The following HSPBP1 variants were observed in gnomAD, a reference collection of about 807,000 sequenced individuals.
HSPBP1 encodes the protein hsp70-binding protein 1.
Under a neutral mutation model 41.7 loss-of-function variants are expected in HSPBP1, and 31 were observed. The ratio of observed to expected loss-of-function variants is 0.74; its 90% CI spans 0.56 to 1.00. The LOEUF (loss-of-function observed/expected upper bound fraction) is 1.00, where lower values mean the gene tolerates loss of function less well. Ranked by LOEUF, HSPBP1 falls within the 50% of genes least tolerant of loss-of-function variation. The pLI is 0.00. For missense variants in HSPBP1, 439 were observed against 487.9 expected (o/e 0.90, Z 0.94); for synonymous variants, 199 against 214.4 (o/e 0.93, Z 0.63).
upstream of HSPBP1, chr19:55,280,214 T>G (rs2088196210): frequency 6.1e-6 from 1 of 164,108 alleles, no homozygotes; most frequent in South Asian, 1.3e-4. Context: ...TATCCCCTTC[T>G]CACCTGGCGG....
At chr19:55,274,202 G>A (rs942848688) in intron 4 of HSPBP1, among the ~76,000 whole-genome samples, 196 bp downstream of exon 4, 10 of 152,222 alleles carry the variant, frequency 6.6e-5, no homozygotes, top group African/African-American at 2.4e-4. Flanking sequence ...CACATCTGCT[G>A]CCTGGCTAGC....
rs965595040 is a variant in HSPBP1, at chr19:55,266,299, G to A, written c.641-13C>T. On this transcript the variant is annotated splice_polypyrimidine_tract_variant and intron_variant, in intron 4 of 7. Coordinates refer to ENST00000433386, the MANE Select transcript of HSPBP1 (RefSeq NM_012267.5). Reference sequence around the variant, plus strand: ...TCTCGGACCAGACCTGGGAGAGGGGGAAAGGTCCTGAGCTTGCAGTCACCA... The same window carrying A: ...TCTCGGACCAGACCTGGGAGAGGGGAAAAGGTCCTGAGCTTGCAGTCACCA... 8 of 1,560,866 alleles carry A rather than the reference G, an allele frequency of 5.1e-6. 1 individual carries two copies. In the Admixed American group the frequency reaches 7.7e-5, roughly 15 times the overall value.
upstream of HSPBP1, chr19:55,280,242 C>T (rs993583164): frequency 3.0e-4 from 47 of 155,282 alleles, 1 homozygote; most frequent in Non-Finnish European, 5.7e-4. Context: ...CACTCGGCCC[C>T]GCCCCTCCCA....
chr19:55,262,411 T>G lies in HSPBP1; in HGVS notation c.*197A>C. 3.6e-6 allele frequency: 5 copies of G among 1,397,954 alleles called. No individual in the cohort carries two copies. The highest frequency in any genetic ancestry group is 5.3e-5 in the East Asian group (2 of 37,930). The allele number at this position is 1,397,954 out of a possible 1,614,324, so 86.6% of individuals were successfully genotyped here. On this transcript the variant is annotated 3_prime_UTR_variant, in exon 8 of 8. Transcript: ENST00000433386. Reference sequence around the variant, plus strand: ...GTGGACAAGAGAACGGGGATGAGAGTGAGAGCATGGGAGGTGGGGTCCAAG... The same window carrying G: ...GTGGACAAGAGAACGGGGATGAGAGGGAGAGCATGGGAGGTGGGGTCCAAG...
Position 55,274,379 on chromosome 19 carries a change from G to GCCCCCCC in HSPBP1, c.640+18_640+19insGGGGGGG. On this transcript the variant is annotated intron_variant, in intron 4 of 7. Transcript: ENST00000433386. ...CCCACCGCCAGCACCCCTGTCCCCAGCCCCACCCGGACACTCACAGGAGAT... is the reference window on the plus strand; with the variant it reads ...CCCACCGCCAGCACCCCTGTCCCCAGCCCCCCCCCCCACCCGGACACTCACAGGAGAT... The GCCCCCCC allele has an allele frequency of 8.8e-5, 19 of 214,994 alleles. No homozygotes were observed. Among genetic ancestry groups the GCCCCCCC allele is most frequent in the Non-Finnish European group, 1.1e-4 (16 of 146,882 alleles). The allele number at this position is 214,994 out of a possible 1,614,324, so 13.3% of individuals were successfully genotyped here.
intron 6 of HSPBP1, 50 bp from the exon 7 acceptor site, chr19:55,265,439 C>G (rs1234558780): frequency 6.9e-7 from 1 of 1,442,110 alleles, no homozygotes; most frequent in South Asian, 1.1e-5. Context: ...AGAGGCCTCA[C>G]TGACCCAACC....
In HSPBP1 at chr19:55,265,990, G is replaced by T; in HGVS notation, c.797-8C>A. On this transcript the variant is annotated splice_region_variant and splice_polypyrimidine_tract_variant and intron_variant, in intron 5 of 7. Transcript: ENST00000433386. ...CCATGGAGCACAGGGTCCCTGGGGG[G>T]AGGGCTGCAGGGGTCAGAGGGGCAG... 3.8e-6 allele frequency: 6 copies of T among 1,594,050 alleles called. No individual in the cohort carries two copies. The highest frequency in any genetic ancestry group is 5.1e-6 in the Non-Finnish European group (6 of 1,171,756).
chr19:55,262,451 C>G lies in HSPBP1; in HGVS notation c.*157G>C, dbSNP rs1195347475. 2.8e-6 allele frequency: 4 copies of G among 1,429,578 alleles called. No homozygotes were observed. The highest frequency in any genetic ancestry group is 1.5e-5 in the South Asian group (1 of 65,886). The allele number at this position is 1,429,578 out of a possible 1,614,324, so 88.6% of individuals were successfully genotyped here. A position where few individuals can be genotyped will look rare whatever the true frequency, so the allele number is the denominator to read the frequency against. ...TGGGGTCCAAGGAGCTGGTGCCTTT[C>G]TCAGCGCCCCTTCCAGGGACTGCAC... On this transcript the variant is annotated 3_prime_UTR_variant, in exon 8 of 8. Coordinates refer to ENST00000433386, the MANE Select transcript of HSPBP1 (RefSeq NM_012267.5).
At position 55,272,230 on chromosome 19, in the gene HSPBP1, T is replaced by G. The variant is rs1490403603; in HGVS notation, c.640+2168A>C. ...CCACAGGAGCACGAGAGCCCAGAGA[T>G]ACAAGGAAACCAGGGACTGTCAGCA... is the stretch of plus-strand genomic sequence containing the variant. On this transcript the variant is annotated intron_variant, in intron 4 of 7. Coordinates refer to ENST00000433386, the MANE Select transcript of HSPBP1 (RefSeq NM_012267.5). The surrounding 1 kb of genome is among the most constrained non-coding windows in gnomAD (Gnocchi z 4.2). 6.6e-6 allele frequency among the ~76,000 whole-genome samples: 1 copy of G among 151,838 alleles called. No individual in the cohort carries two copies. Among genetic ancestry groups the G allele is most frequent in the Non-Finnish European group, 1.5e-5 (1 of 67,984 alleles).
chr19:55,274,301 A>G, intron 4 of HSPBP1, 97 bp downstream of exon 4: 1 of 1,096,032 alleles, frequency 9.1e-7, no homozygotes, highest in Non-Finnish European at 1.3e-6. Flanking sequence ...CGAGGGAAGG[A>G]GATGCCTCTC....
intron 4 of HSPBP1, among the ~76,000 whole-genome samples, chr19:55,274,171 G>C (rs779275208): frequency 1.3e-5 from 2 of 152,178 alleles, no homozygotes; most frequent in Non-Finnish European, 2.9e-5. Context: ...TGAGGGCCAG[G>C]TGGTCTCCCC....
intron 7 of HSPBP1, 39 bp downstream of exon 7, chr19:55,265,239 C>T (rs565800121): frequency 1.7e-6 from 2 of 1,209,588 alleles, no homozygotes; most frequent in Admixed American, 1.9e-5. Context: ...CTCCCCCTTG[C>T]ACCTGGTCCT....
intron 6 of HSPBP1, 128 bp from the exon 7 acceptor site, chr19:55,265,517 A>G (rs2087751881): frequency 6.6e-6 from 5 of 755,522 alleles, no homozygotes; most frequent in South Asian, 4.3e-5. Context: ...ATGGGCCTCC[A>G]TTTCCCCATC....
At chr19:55,277,940 GA>G in intron 2 of HSPBP1, 94 bp from the exon 3 acceptor site, 2 of 1,041,272 alleles carry the variant, frequency 1.9e-6, no homozygotes, top group Non-Finnish European at 2.7e-6. Context: ...ACTGAGGGCT[GA>G]TGTTCCTTCA....
chr19:55,280,212 T>C (rs1185252790), upstream of HSPBP1: 1 of 166,540 alleles, frequency 6.0e-6, no homozygotes, highest in African/African-American at 2.4e-5. Context: ...CTTATCCCCT[T>C]CTCACCTGGC....
rs557242491 is a variant in HSPBP1 at position 55,278,437 on chromosome 19, C to T, written c.211-591G>A. On this transcript the variant is annotated intron_variant, in intron 2 of 7. Transcript: ENST00000433386. ...TATGTAAGTGGGTTAGCATAATGCT[C>T]TGTATACAGTAATTGTCGATTAAAC... Among the ~76,000 whole-genome samples the T allele has an allele frequency of 3.3e-5, 5 of 152,218 alleles. No individual in the cohort carries two copies. In the South Asian group the frequency reaches 1.0e-3, roughly 31 times the overall value.
At chr19:55,267,033 A>G (rs553368230) in intron 4 of HSPBP1, among the ~76,000 whole-genome samples, 2 of 152,398 alleles carry the variant, frequency 1.3e-5, no homozygotes, top group South Asian at 4.1e-4. Flanking sequence ...AAGTGGTATC[A>G]GCACTTCATT....
At chr19:55,263,256 G>A (rs2087692240) in intron 7 of HSPBP1, among the ~76,000 whole-genome samples, 1 of 152,182 alleles carries the variant, frequency 6.6e-6, no homozygotes, top group African/African-American at 2.4e-5. Context: ...TCACTCATGG[G>A]AGAAATGTAA....
Position 55,266,212 on chromosome 19 carries a change from TG to T in HSPBP1, c.714del (p.Met239CysfsTer62). 1 of 1,584,522 alleles carries T rather than the reference TG, an allele frequency of 6.3e-7. No individual in the cohort carries two copies. Among genetic ancestry groups the T allele is most frequent in the Non-Finnish European group, 8.6e-7 (1 of 1,165,600 alleles). On this transcript the variant is annotated frameshift_variant, in exon 5 of 8. Transcript: ENST00000433386. LOFTEE classifies it high-confidence loss of function. ...RLDGFSVLMR[A>X]MQQQVQKLKV... ...TTGAGCTTCTGCACCTGCTGCTGCA[TG>T]GCCCTCATCAACACAGAGAAGCCGT...
Sources: allele counts gnomAD v4.1 joint callset (sites outside exome capture counted in the v4.1 genomes callset), GRCh38; gene constraint gnomAD v4.1.1; non-coding constraint Gnocchi (gnomAD v3.1); transcripts MANE v1.5; gene names NCBI Gene and HGNC (gene_info 2026-07-23, HGNC 2026-07-21).